The following SLC18B1 variants were observed in gnomAD, a reference collection of about 807,000 sequenced individuals.
The protein encoded by SLC18B1 is MFS-type transporter SLC18B1.
Under a neutral mutation model 53.9 loss-of-function variants are expected in SLC18B1, and 62 were observed. That is an observed-to-expected ratio of 1.15 (90% CI 0.94 to 1.42). The LOEUF is 1.42. Ranked by LOEUF, SLC18B1 falls within the 40% of genes most tolerant of loss-of-function variation. The pLI is 0.00. For synonymous variants in SLC18B1, 217 were observed against 200.9 expected (o/e 1.08, Z -0.68); for missense variants, 598 against 547.3 (o/e 1.09, Z -0.93).
chr6:132,792,685 C>T (rs572044478), intron 2 of SLC18B1, among the ~76,000 whole-genome samples: 1 of 152,178 alleles, frequency 6.6e-6, no homozygotes, highest in Non-Finnish European at 1.5e-5. Context: ...CAGTTTCCAT[C>T]ATGTGCATGT....
intron 5 of SLC18B1, among the ~76,000 whole-genome samples, chr6:132,786,322 GAT>G (rs1781368349): frequency 6.6e-6 from 1 of 152,040 alleles, no homozygotes; most frequent in Non-Finnish European, 1.5e-5. Flanking sequence ...GAGGCAGGTG[GAT>G]CACGAGGTCA....
intron 6 of SLC18B1, among the ~76,000 whole-genome samples, chr6:132,781,791 G>A (rs1781244417): frequency 6.6e-6 from 1 of 151,180 alleles, no homozygotes; most frequent in Non-Finnish European, 1.5e-5. Context: ...AAAAGAAAAA[G>A]AAAAACCTCC....
chr6:132,785,671 G>C (rs542730599), intron 5 of SLC18B1, among the ~76,000 whole-genome samples: 1 of 152,200 alleles, frequency 6.6e-6, no homozygotes, highest in Non-Finnish European at 1.5e-5. Context: ...AAATCCAATG[G>C]ATTGTTACCA....
At chr6:132,779,950 C>A (rs1314085133) in intron 6 of SLC18B1, among the ~76,000 whole-genome samples, 1 of 152,262 alleles carries the variant, frequency 6.6e-6, no homozygotes, top group Non-Finnish European at 1.5e-5. Context: ...GACTTATTCA[C>A]TCCCATGAGA....
At chr6:132,772,969 C>T in intron 10 of SLC18B1, 24 bp downstream of exon 10, 1 of 1,551,198 alleles carries the variant, frequency 6.4e-7, no homozygotes, top group Non-Finnish European at 8.9e-7. Flanking sequence ...CAATACAGCT[C>T]TTCAAGCAAT....
rs750170515 is a variant in SLC18B1, at chr6:132,784,048, A to G, written c.543T>C (p.Gly181=). ...GATACAAAAAGCCACCTACAGGAGG[A>G]CCTAGTATTAGCCCCAGTCCAGAAA... The part of the protein sequence containing the change: ...ETFSGLGLIL[G]PPVGGFLYQS... The change falls in exon 6 of 14, where the codon GGT becomes GGC. Residue 181 remains glycine (G), a synonymous_variant. Coordinates refer to ENST00000275227, the MANE Select transcript of SLC18B1 (RefSeq NM_052831.3). 3 of 1,607,618 alleles carry G rather than the reference A, an allele frequency of 1.9e-6. No individual in the cohort carries two copies. Among genetic ancestry groups the G allele is most frequent in the East Asian group, 4.5e-5 (2 of 44,520 alleles).
intron 6 of SLC18B1, 76 bp from the exon 7 acceptor site, chr6:132,779,480 T>G: frequency 6.8e-7 from 1 of 1,474,786 alleles, no homozygotes; most frequent in Non-Finnish European, 9.3e-7. Flanking sequence ...TTTGGAAAAC[T>G]GGTAACACCA....
chr6:132,782,830 A>G (rs1781271340), intron 6 of SLC18B1, among the ~76,000 whole-genome samples: 1 of 150,536 alleles, frequency 6.6e-6, no homozygotes, highest in Non-Finnish European at 1.5e-5. Flanking sequence ...GCTGGAGCGC[A>G]GTGGCATGAT....
intron 2 of SLC18B1, among the ~76,000 whole-genome samples, chr6:132,792,225 C>CAAGAAAGAAAGAAAGAAAGAAAGACAGAA: frequency 2.2e-5 from 1 of 44,580 alleles, no homozygotes; most frequent in African/African-American, 7.5e-5. Context: ...AAGACACTGT[C>CAAGAAAGAAAGAAAGAAAGAAAGACAGAA]AGAAAGAAAG....
In SLC18B1 at chr6:132,784,025, T is replaced by C. The variant is rs201099973; in HGVS notation, c.566A>G (p.Tyr189Cys). ...ILGPPVGGFL[Y>C]QSFGYEVPFI... Reference sequence around the variant, plus strand: ...AGGCACTTCATAGCCAAAGGATTGATACAAAAAGCCACCTACAGGAGGACC... The same window carrying C: ...AGGCACTTCATAGCCAAAGGATTGACACAAAAAGCCACCTACAGGAGGACC... The change falls in exon 6 of 14, where the codon TAT becomes TGT. Residue 189 changes from tyrosine (Y) to cysteine (C), a missense_variant. Coordinates refer to ENST00000275227, the MANE Select transcript of SLC18B1 (RefSeq NM_052831.3). 1.2e-5 allele frequency: 19 copies of C among 1,610,258 alleles called. 1 individual carries two copies. In the East Asian group the frequency reaches 2.0e-4, roughly 17 times the overall value.
At chr6:132,772,567 C>A (rs1283214761) in intron 10 of SLC18B1, among the ~76,000 whole-genome samples, 1 of 152,122 alleles carries the variant, frequency 6.6e-6, no homozygotes, top group Non-Finnish European at 1.5e-5. Flanking sequence ...CCCATGAGAA[C>A]TATTGAACTG....
Position 132,779,279 on chromosome 6 carries a change from CAA to C in SLC18B1, c.782_783del (p.Phe261CysfsTer35). Reference protein sequence around the residue: ...FGFLDPTLSLFVLEKFNLPAG... With the variant: ...FGFLDPTLSLXVLEKFNLPAG... ...ATCAGGTAACTTACCTTCTCCAAAA[CAA>C]AGAGAGACAGAGTAGGATCGAGGAA... On this transcript the variant is annotated frameshift_variant, in exon 7 of 14. Coordinates refer to ENST00000275227, the MANE Select transcript of SLC18B1 (RefSeq NM_052831.3). LOFTEE classifies it high-confidence loss of function. 6.2e-7 allele frequency: 1 copy of C among 1,613,810 alleles called. No homozygotes were observed. Among genetic ancestry groups the C allele is most frequent in the South Asian group, 1.1e-5 (1 of 91,056 alleles).
chr6:132,773,061 T>C lies in SLC18B1; in HGVS notation c.1017A>G (p.Leu339=). ...TTCCAGCAGAGAGGCCACTTACAAC[T>C]AATATCAGCACCAGCAGCCAGAGCT... is the stretch of plus-strand genomic sequence containing the variant. ...KSQLWLLVLI[L]VVSGLSAGMS... The change falls in exon 10 of 14, where the codon TTA becomes TTG. Residue 339 remains leucine (L), a synonymous_variant. Transcript: ENST00000275227. 2 of 1,613,870 alleles carry C rather than the reference T, an allele frequency of 1.2e-6. No homozygotes were observed. The highest frequency in any genetic ancestry group is 1.7e-6 in the Non-Finnish European group (2 of 1,179,862).
chr6:132,788,169 G>GA (rs1781431298), intron 4 of SLC18B1, among the ~76,000 whole-genome samples: 1 of 107,786 alleles, frequency 9.3e-6, no homozygotes, highest in Non-Finnish European at 1.9e-5. Context: ...TCAAAAAAAA[G>GA]AAAAAGAAAA....
chr6:132,773,058 A>C lies in SLC18B1; in HGVS notation c.1020T>G (p.Val340=). The change falls in exon 10 of 14, where the codon GTT becomes GTG. Residue 340 remains valine, a synonymous_variant. Transcript: ENST00000275227. The part of the protein sequence containing the change: ...SQLWLLVLIL[V]VSGLSAGMSI... ...TCATTCCAGCAGAGAGGCCACTTAC[A>C]ACTAATATCAGCACCAGCAGCCAGA... 2 of 1,613,964 alleles carry C rather than the reference A, an allele frequency of 1.2e-6. No homozygotes were observed. Among genetic ancestry groups the C allele is most frequent in the South Asian group, 1.1e-5 (1 of 91,074 alleles).
intron 4 of SLC18B1, 85 bp from the exon 5 acceptor site, chr6:132,787,666 T>C (rs1259750951): frequency 7.5e-6 from 9 of 1,205,864 alleles, no homozygotes; most frequent in Non-Finnish European, 9.9e-6. Flanking sequence ...CTAAAAAGAA[T>C]AGTACCTCAC....
intron 2 of SLC18B1, 53 bp downstream of exon 2, chr6:132,796,917 CAAAAGGCTTTTA>C (rs1781706044): frequency 1.3e-6 from 2 of 1,519,642 alleles, no homozygotes; most frequent in Admixed American, 4.3e-5. Context: ...TAAAATAATT[CAAAAGGCTTTTA>C]AAAAACAAAC....
At chr6:132,786,555 CAAA>C (rs56886747) in intron 5 of SLC18B1, among the ~76,000 whole-genome samples, 54 of 78,580 alleles carry the variant, frequency 6.9e-4, no homozygotes, top group Admixed American at 2.0e-3. Context: ...TCCCCCACTC[CAAA>C]AAAAAAAAAA....
chr6:132,784,372 A>G (rs988424126), intron 5 of SLC18B1, among the ~76,000 whole-genome samples: 5 of 152,216 alleles, frequency 3.3e-5, no homozygotes, highest in African/African-American at 9.6e-5. Context: ...TACGAAAACT[A>G]TGCATAAAAA....
Sources: allele counts gnomAD v4.1 joint callset (sites outside exome capture counted in the v4.1 genomes callset), GRCh38; gene constraint gnomAD v4.1.1; transcripts MANE v1.5; gene names NCBI Gene and HGNC (gene_info 2026-07-23, HGNC 2026-07-21).